BIRC6: variants seen among roughly 807,000 people sequenced by gnomAD.
The protein encoded by BIRC6 is baculoviral IAP repeat containing 6.
Under a neutral mutation model 503.3 loss-of-function variants are expected in BIRC6, and 98 were observed. That is an observed-to-expected ratio of 0.19 (90% CI 0.17 to 0.23). The LOEUF is 0.23. Ranked by LOEUF, BIRC6 falls within the 10% of genes least tolerant of loss-of-function variation. The pLI, the probability that BIRC6 is intolerant of heterozygous loss-of-function variation, is 1.00. For missense variants in BIRC6, 5,360 were observed against 5,806.0 expected (o/e 0.92, Z 2.50); for synonymous variants, 2,240 against 2,078.7 (o/e 1.08, Z -2.11).
intron 2 of BIRC6, among the ~76,000 whole-genome samples, chr2:32,378,147 A>G (rs1042359303): frequency 6.6e-6 from 1 of 152,124 alleles, no homozygotes; most frequent in African/African-American, 2.4e-5. Flanking sequence ...TCTAGGTGTC[A>G]TTATTTCCCA....
intron 10 of BIRC6, among the ~76,000 whole-genome samples, chr2:32,426,751 A>C (rs1364211186): frequency 1.3e-5 from 2 of 152,206 alleles, no homozygotes; most frequent in Non-Finnish European, 2.9e-5. Context: ...TTTTTCAGTG[A>C]ATTTGATGTT....
intron 63 of BIRC6, among the ~76,000 whole-genome samples, chr2:32,546,991 A>C (rs952357298): frequency 6.6e-6 from 1 of 152,188 alleles, no homozygotes; most frequent in Non-Finnish European, 1.5e-5. Flanking sequence ...AGGCAGGTGA[A>C]TCTGTCTGTG....
chr2:32,508,181 T>G lies in BIRC6; in HGVS notation c.9902T>G (p.Leu3301Arg). Residue 3301 changes from leucine (L) to arginine (R), a missense_variant, in exon 51 of 74, where the codon CTC becomes CGC. Physicochemically the swap from Leu to Arg is moderately radical, Grantham distance 102 (BLOSUM62 -2). This residue lies in a region of BIRC6 where 62 missense variants were observed against 107.4 expected (regional missense o/e 0.58). Coordinates refer to ENST00000421745, the MANE Select transcript of BIRC6 (RefSeq NM_016252.4). ...LGLSQIKLLG[L>R]TAFGTTSSAT... ...CTTTCACAAATTAAATTATTGGGGC[T>G]CACTGCTTTTGGTACCACCTCTTCT... 2 of 1,613,478 alleles carry G rather than the reference T, an allele frequency of 1.2e-6. No individual in the cohort carries two copies. The highest frequency in any genetic ancestry group is 1.7e-6 in the Non-Finnish European group (2 of 1,179,756).
At chr2:32,551,852 A>C (rs1240402798) in intron 65 of BIRC6, among the ~76,000 whole-genome samples, 1 of 152,166 alleles carries the variant, frequency 6.6e-6, no homozygotes, top group African/African-American at 2.4e-5. Flanking sequence ...ATATTTTTAC[A>C]GAATGTAACC....
At chr2:32,616,646 A>G (rs144825310) in intron 73 of BIRC6, among the ~76,000 whole-genome samples, 70 of 152,196 alleles carry the variant, frequency 4.6e-4, no homozygotes, top group African/African-American at 1.6e-3. Flanking sequence ...AATTAGTGTG[A>G]ACATTTGCAG....
intron 65 of BIRC6, among the ~76,000 whole-genome samples, chr2:32,557,075 T>A (rs1310861514): frequency 5.3e-5 from 8 of 152,262 alleles, no homozygotes; most frequent in East Asian, 1.9e-4. Flanking sequence ...CAAGAAAGTT[T>A]CTTTTCTATG....
chr2:32,441,659 T>G (rs1027727963), intron 17 of BIRC6, among the ~76,000 whole-genome samples, 197 bp downstream of exon 17: 2 of 152,164 alleles, frequency 1.3e-5, no homozygotes, highest in Non-Finnish European at 2.9e-5. Flanking sequence ...CGCACAGTGC[T>G]TGTTGTATAG....
intron 63 of BIRC6, 96 bp downstream of exon 63, chr2:32,545,956 T>C (rs945724076): frequency 9.0e-7 from 1 of 1,105,748 alleles, no homozygotes; most frequent in African/African-American, 1.6e-5. Context: ...TTTCAGAGAC[T>C]TGGGTGTTCC....
At chr2:32,587,032 G>C (rs1417002544) in intron 66 of BIRC6, among the ~76,000 whole-genome samples, 1 of 152,144 alleles carries the variant, frequency 6.6e-6, no homozygotes, top group Non-Finnish European at 1.5e-5. Flanking sequence ...GTGTGTAAAT[G>C]ATTAATTAAA....
intron 1 of BIRC6, among the ~76,000 whole-genome samples, chr2:32,367,250 G>T (rs62136267): frequency 0.12 from 18,046 of 151,954 alleles, 1,500 homozygotes; most frequent in Non-Finnish European, 0.16. Flanking sequence ...GTCACCTGAG[G>T]TACGGAGTTC....
In BIRC6 at chr2:32,590,695, A is replaced by C. The variant is rs560844466; in HGVS notation, c.13356-3220A>C. On this transcript the variant is annotated intron_variant, in intron 66 of 73. Coordinates refer to ENST00000421745, the MANE Select transcript of BIRC6 (RefSeq NM_016252.4). ...TTCAGATATGTGTCACAGAGCCAAA[A>C]TTTGTTTAACTAATTAGCTATTTAG... The C allele has an allele frequency of 1.4e-5, 11 of 781,252 alleles. No homozygotes were observed. In the African/African-American group the frequency reaches 2.1e-4, roughly 15 times the overall value. 48.4% of individuals were successfully genotyped at this position (781,252 alleles called of 1,614,324 possible).
At position 32,518,414 on chromosome 2, in the gene BIRC6, TA is replaced by T. The variant is rs752241675; in HGVS notation, c.11493+19del. 1 of 1,598,030 alleles carries T rather than the reference TA, an allele frequency of 6.3e-7. No individual in the cohort carries two copies. Among genetic ancestry groups the T allele is most frequent in the East Asian group, 2.2e-5 (1 of 44,734 alleles). Reference sequence around the variant, plus strand: ...CCATGTCCAGTGAGTATTTAACACTTAATCATTGGCTGTGTATACATGTATT... The same window carrying T: ...CCATGTCCAGTGAGTATTTAACACTTATCATTGGCTGTGTATACATGTATT... On this transcript the variant is annotated intron_variant, in intron 56 of 73. Transcript: ENST00000421745.
chr2:32,360,329 C>A (rs974673825), intron 1 of BIRC6, among the ~76,000 whole-genome samples: 2 of 152,146 alleles, frequency 1.3e-5, no homozygotes, highest in Non-Finnish European at 2.9e-5. Flanking sequence ...TTTATATTAT[C>A]TGTATCTGAT....
At position 32,597,736 on chromosome 2, in the gene BIRC6, T is replaced by G; in HGVS notation, c.13613-15T>G. On this transcript the variant is annotated splice_polypyrimidine_tract_variant and intron_variant, in intron 68 of 73. Transcript: ENST00000421745. ...TTTTTGCAGTTCTGGGTTTTATTTT[T>G]TCTTCTCCTTTTAGATACGTTTGAA... The G allele has an allele frequency of 6.3e-7, 1 of 1,592,568 alleles. No individual in the cohort carries two copies. The highest frequency in any genetic ancestry group is 8.6e-7 in the Non-Finnish European group (1 of 1,161,736).
chr2:32,474,349 G>A (rs1335510088), intron 33 of BIRC6, among the ~76,000 whole-genome samples: 2 of 152,098 alleles, frequency 1.3e-5, no homozygotes, highest in Non-Finnish European at 1.5e-5. Flanking sequence ...TTAGGTAGTA[G>A]TAATTTGTAT....
chr2:32,506,814 G>C (rs2053847375), intron 50 of BIRC6, among the ~76,000 whole-genome samples: 1 of 152,138 alleles, frequency 6.6e-6, no homozygotes, highest in Non-Finnish European at 1.5e-5. Flanking sequence ...ATTTCTTGTG[G>C]GAGCGTGGAT....
chr2:32,447,125 A>G (rs2046068603), intron 21 of BIRC6, among the ~76,000 whole-genome samples: 1 of 149,488 alleles, frequency 6.7e-6, no homozygotes, highest in South Asian at 2.2e-4. Flanking sequence ...AGTACAGAAC[A>G]AAATGAAAAG....
Position 32,444,031 on chromosome 2 carries a change from G to GTTTTTTTTTT in BIRC6, c.4336+452_4336+461dup, listed in dbSNP as rs776568064. Among the ~76,000 whole-genome samples the GTTTTTTTTTT allele has an allele frequency of 4.3e-3, 589 of 136,856 alleles. 3 individuals are homozygous for GTTTTTTTTTT. The highest frequency in any genetic ancestry group is 0.014 in the Middle Eastern group (4 of 276). 89.8% of individuals were successfully genotyped at this position (136,856 alleles called of 152,430 possible). On this transcript the variant is annotated intron_variant, in intron 20 of 73. Transcript: ENST00000421745. ...TGGAATTTCCTAAAAGGGACCAGTG[G>GTTTTTTTTTT]TTTTTTTTTTTTTTTTTTAAAGCAC...
intron 1 of BIRC6, among the ~76,000 whole-genome samples, chr2:32,371,224 A>C (rs1033063442): frequency 1.3e-5 from 2 of 150,112 alleles, no homozygotes; most frequent in African/African-American, 5.0e-5. Flanking sequence ...TCAAAAAAAA[A>C]AAAAAAAAAA....
Sources: allele counts gnomAD v4.1 joint callset (sites outside exome capture counted in the v4.1 genomes callset), GRCh38; gene constraint gnomAD v4.1.1; regional missense constraint gnomAD v4.1.1; transcripts MANE v1.5; gene names NCBI Gene and HGNC (gene_info 2026-07-23, HGNC 2026-07-21).